Variants in GATA4 observed in about 807,000 individuals in gnomAD.
The protein encoded by GATA4 is GATA binding protein 4.
In GATA4, 7 loss-of-function variants were observed where a neutral mutation model predicts 37.9. The ratio of observed to expected loss-of-function variants is 0.18; its 90% CI spans 0.11 to 0.35. GATA4 has a LOEUF of 0.35. Among genes scored for constraint, GATA4 ranks in the 10% least tolerant of loss-of-function variants. The pLI is 1.00. For synonymous variants in GATA4, 372 were observed against 292.6 expected (o/e 1.27, Z -2.77); for missense variants, 647 against 653.0 (o/e 0.99, Z 0.10).
chr8:11,689,608 C>T (rs1799247762), upstream of GATA4, among the ~76,000 whole-genome samples: 1 of 152,160 alleles, frequency 6.6e-6, no homozygotes, highest in Non-Finnish European at 1.5e-5. Flanking sequence ...CTTGGTTTAT[C>T]CCCACTCTAA....
intron 6 of GATA4, among the ~76,000 whole-genome samples, chr8:11,757,982 G>A (rs1236430223): frequency 6.6e-6 from 1 of 152,196 alleles, no homozygotes; most frequent in African/African-American, 2.4e-5. Context: ...AAGTGGATGT[G>A]GTGGTGATAG....
At chr8:11,720,603 C>T (rs1433512676) in intron 2 of GATA4, among the ~76,000 whole-genome samples, 1 of 152,302 alleles carries the variant, frequency 6.6e-6, no homozygotes, top group South Asian at 2.1e-4. Context: ...CCTCCTCCCA[C>T]CCTCCACTCT....
chr8:11,740,642 T>G (rs1013394208), intron 2 of GATA4, among the ~76,000 whole-genome samples: 1 of 152,180 alleles, frequency 6.6e-6, no homozygotes, highest in Non-Finnish European at 1.5e-5. Flanking sequence ...TGTATTGGTA[T>G]AGGGGCAAAA....
At chr8:11,683,538 G>A (rs1189987157) in intron 1 of GATA4, among the ~76,000 whole-genome samples, 1 of 152,152 alleles carries the variant, frequency 6.6e-6, no homozygotes, top group East Asian at 1.9e-4. Flanking sequence ...TTGAGACTAG[G>A]TAGACTAAAT....
intron 4 of GATA4, among the ~76,000 whole-genome samples, chr8:11,753,911 G>C: frequency 6.6e-6 from 1 of 152,202 alleles, no homozygotes; most frequent in East Asian, 1.9e-4. Flanking sequence ...ACCAGATGTG[G>C]GGAAGGCACC....
intron 2 of GATA4, among the ~76,000 whole-genome samples, chr8:11,722,248 TTAATC>T (rs1306938480): frequency 1.3e-5 from 2 of 152,236 alleles, no homozygotes. Context: ...GACCAGCTGT[TTAATC>T]TATACATTAC....
At chr8:11,679,136 C>T (rs531593030) in intron 1 of GATA4, among the ~76,000 whole-genome samples, 1 of 148,804 alleles carries the variant, frequency 6.7e-6, no homozygotes, top group South Asian at 2.1e-4. Flanking sequence ...ATTGTCTAAA[C>T]ACTACACGAA....
intron 4 of GATA4, among the ~76,000 whole-genome samples, chr8:11,754,195 C>T (rs1206054710): frequency 6.6e-6 from 1 of 152,196 alleles, no homozygotes; most frequent in Non-Finnish European, 1.5e-5. Context: ...ATTTTCCCAG[C>T]ACAATAATTG....
At chr8:11,735,897 G>A (rs1341759648) in intron 2 of GATA4, among the ~76,000 whole-genome samples, 2 of 150,770 alleles carry the variant, frequency 1.3e-5, no homozygotes, top group African/African-American at 2.5e-5. Flanking sequence ...CTTCTGTACC[G>A]TTTGCCTGTT....
At chr8:11,683,450 G>A (rs1437821599) in intron 1 of GATA4, among the ~76,000 whole-genome samples, 1 of 152,128 alleles carries the variant, frequency 6.6e-6, no homozygotes, top group East Asian at 1.9e-4. Flanking sequence ...CTTTTAAGAA[G>A]TTCAATGAGC....
intron 2 of GATA4, among the ~76,000 whole-genome samples, chr8:11,716,954 G>A (rs887125818): frequency 6.6e-5 from 10 of 152,206 alleles, no homozygotes; most frequent in Admixed American, 1.3e-4. Context: ...TTGCCAACGC[G>A]AGCTGCTGCT....
chr8:11,692,589 G>C (rs958780012), upstream of GATA4: 1 of 985,266 alleles, frequency 1.0e-6, no homozygotes, highest in South Asian at 4.7e-5. Context: ...GGAGGGCGTG[G>C]CCCCCGCGCT....
At chr8:11,740,498 C>T (rs919620318) in intron 2 of GATA4, among the ~76,000 whole-genome samples, 2 of 152,216 alleles carry the variant, frequency 1.3e-5, no homozygotes, top group Non-Finnish European at 2.9e-5. Flanking sequence ...AGGGTCCCTG[C>T]AAACACAGCA....
rs953389210 is a variant in GATA4 at position 11,709,377 on chromosome 8, T to A, written c.616+449T>A. 2.9e-4 allele frequency among the ~76,000 whole-genome samples: 44 copies of A among 152,182 alleles called. No individual in the cohort carries two copies. The highest frequency in any genetic ancestry group is 9.7e-4 in the African/African-American group (40 of 41,442). ...TCCGCAGGGAACTGATTACAATGGTTTGGACCGCAGACCTTCTGGGCCATT... is the reference window on the plus strand; with the variant it reads ...TCCGCAGGGAACTGATTACAATGGTATGGACCGCAGACCTTCTGGGCCATT... On this transcript the variant is annotated intron_variant, in intron 2 of 6. Transcript: ENST00000532059. The surrounding 1 kb of genome is among the most constrained non-coding windows in gnomAD (Gnocchi z 4.3).
chr8:11,701,456 G>A (rs540990128), upstream of GATA4, among the ~76,000 whole-genome samples: 78 of 152,202 alleles, frequency 5.1e-4, no homozygotes, highest in South Asian at 2.5e-3. Context: ...GAGCGAGAGA[G>A]AAGCCTGGGA....
At position 11,749,197 on chromosome 8, in the gene GATA4, C is replaced by T. The variant is rs945227356; in HGVS notation, c.786+112C>T. On this transcript the variant is annotated intron_variant, in intron 3 of 6. Coordinates refer to ENST00000532059, the MANE Select transcript of GATA4 (RefSeq NM_001308093.3). This position sits in a 1 kb window ranked among gnomAD's most constrained non-coding sequence, Gnocchi z 4.6. ...ACTTGAGGGTGTGCATCGGGGATTACGTGGGTGAGAGCCCCATAATAATTC... is the reference window on the plus strand; with the variant it reads ...ACTTGAGGGTGTGCATCGGGGATTATGTGGGTGAGAGCCCCATAATAATTC... 22 of 1,020,358 alleles carry T rather than the reference C, an allele frequency of 2.2e-5. No homozygotes were observed. The highest frequency in any genetic ancestry group is 1.3e-4 in the East Asian group (5 of 38,440). 63.2% of individuals were successfully genotyped at this position (1,020,358 alleles called of 1,614,324 possible). A position where few individuals can be genotyped will look rare whatever the true frequency, so the allele number is the denominator to read the frequency against.
chr8:11,692,766 CG>C (rs1365009023), intron 1 of GATA4: 1 of 981,750 alleles, frequency 1.0e-6, no homozygotes, highest in African/African-American at 1.8e-5. Context: ...GGACGGGGGG[CG>C]GGAAGCGAGG....
At chr8:11,698,101 C>G in intron 1 of GATA4, 1 of 729,724 alleles carries the variant, frequency 1.4e-6, no homozygotes, top group Non-Finnish European at 1.7e-6. Flanking sequence ...TCCGTCCTCT[C>G]CCAGGAGGTC....
chr8:11,747,805 A>G (rs1361014231), intron 2 of GATA4, among the ~76,000 whole-genome samples: 3 of 152,192 alleles, frequency 2.0e-5, no homozygotes, highest in Admixed American at 1.3e-4. Flanking sequence ...TGATGGAACA[A>G]TGGTATATGA....
Sources: gnomAD v4.1 joint callset for allele counts (sites outside exome capture counted in the v4.1 genomes callset) on GRCh38, gnomAD v4.1.1 for gene constraint, Gnocchi (gnomAD v3.1) non-coding constraint, MANE v1.5 for transcripts, NCBI Gene and HGNC (gene_info 2026-07-23, HGNC 2026-07-21) for gene names.